Variants in PACC1 observed in about 807,000 individuals in gnomAD.
PACC1 encodes the protein proton-activated chloride channel.
Under a neutral mutation model 39.7 loss-of-function variants are expected in PACC1, and 34 were observed. That is an observed-to-expected ratio of 0.86 (90% confidence interval 0.65 to 1.14). The LOEUF is 1.14. Ranked by LOEUF, PACC1 falls within the 50% of genes most tolerant of loss-of-function variation. The pLI is 0.00. For synonymous variants in PACC1, 127 were observed against 160.6 expected (o/e 0.79, Z 1.58); for missense variants, 379 against 436.4 (o/e 0.87, Z 1.17).
At chr1:212,376,977 T>C (rs1265932727) in intron 6 of PACC1, 2 of 152,268 alleles carry the variant, frequency 1.3e-5, no homozygotes, top group Admixed American at 6.5e-5. Flanking sequence ...AAAGTGTATA[T>C]AACACTAAGA....
In PACC1 at chr1:212,377,577, C is replaced by T. The variant is rs771197497; in HGVS notation, c.768G>A (p.Val256=). 1.2e-6 allele frequency: 2 copies of T among 1,614,164 alleles called. No homozygotes were observed. Among genetic ancestry groups the T allele is most frequent in the South Asian group, 1.1e-5 (1 of 91,078 alleles). ...AGCCACCTACCTCCTGCCGGAACTC[C>T]ACTGCTTCCCGCCCATCCTCCTCCT... is the stretch of plus-strand genomic sequence containing the variant. ...KTKEEDGREA[V]EFRQETSVVN... is the part of the protein sequence containing the mutation. Residue 256 remains valine (V), a synonymous_variant, in exon 6 of 8, where the codon GTG becomes GTA. Coordinates refer to ENST00000261455, the MANE Select transcript of PACC1 (RefSeq NM_018252.3).
At chr1:212,379,540 G>A (rs1214132462) in intron 5 of PACC1, among the ~76,000 whole-genome samples, 1 of 152,186 alleles carries the variant, frequency 6.6e-6, no homozygotes, top group Non-Finnish European at 1.5e-5. Context: ...CACTGTGGGG[G>A]AAACCAAGGA....
intron 4 of PACC1, among the ~76,000 whole-genome samples, chr1:212,383,402 G>A (rs792447): frequency 0.15 from 23,317 of 152,166 alleles, 1,810 homozygotes; most frequent in Middle Eastern, 0.24. Flanking sequence ...AAGCAGCCAC[G>A]AGTTTTCATT....
At chr1:212,400,390 A>G (rs1479230135) in intron 2 of PACC1, among the ~76,000 whole-genome samples, 1 of 152,188 alleles carries the variant, frequency 6.6e-6, no homozygotes, top group Admixed American at 6.5e-5. Flanking sequence ...TATCACTGCA[A>G]TTCATCTGGG....
At chr1:212,369,324 C>CA (rs1244153825) in intron 7 of PACC1, among the ~76,000 whole-genome samples, 1 of 151,988 alleles carries the variant, frequency 6.6e-6, no homozygotes, top group African/African-American at 2.4e-5. Flanking sequence ...AACCAAAAAA[C>CA]AAAAAACGAA....
chr1:212,387,004 A>G lies in PACC1; in HGVS notation c.230T>C (p.Leu77Pro). 1 of 1,614,236 alleles carries G rather than the reference A, an allele frequency of 6.2e-7. No homozygotes were observed. The highest frequency in any genetic ancestry group is 8.5e-7 in the Non-Finnish European group (1 of 1,180,052). ...SVLLIFIYLL[L>P]MAVAVFLVYR... ...GACCAGGAAGACGGCCACAGCCATG[A>G]GCAGCAGGTAGATGAAGATGAGTAG... The change falls in exon 3 of 8, where the codon CTC (leucine) becomes CCC (proline). Residue 77 changes from leucine to proline, a missense_variant. Coordinates refer to ENST00000261455, the MANE Select transcript of PACC1 (RefSeq NM_018252.3).
intron 5 of PACC1, among the ~76,000 whole-genome samples, 174 bp downstream of exon 5, chr1:212,379,721 A>G (rs759841303): frequency 7.2e-5 from 11 of 152,240 alleles, no homozygotes; most frequent in Non-Finnish European, 1.3e-4. Context: ...ACTTTGTGAT[A>G]AGATGTTGAG....
At chr1:212,409,163 G>T (rs1662032232) in intron 2 of PACC1, among the ~76,000 whole-genome samples, 5 of 152,188 alleles carry the variant, frequency 3.3e-5, no homozygotes, top group Admixed American at 3.3e-4. Flanking sequence ...TGGAAAAATT[G>T]TCTTCCACAA....
intron 2 of PACC1, among the ~76,000 whole-genome samples, chr1:212,400,636 T>C (rs1248994324): frequency 1.3e-5 from 2 of 151,882 alleles, no homozygotes; most frequent in African/African-American, 4.8e-5. Context: ...AAAACAGTGC[T>C]GGTTATTTGA....
intron 7 of PACC1, among the ~76,000 whole-genome samples, chr1:212,370,268 C>T (rs927951707): frequency 2.0e-5 from 3 of 152,156 alleles, no homozygotes; most frequent in Non-Finnish European, 2.9e-5. Context: ...TGATTGAGAC[C>T]ATCCTGGCTA....
intron 2 of PACC1, among the ~76,000 whole-genome samples, chr1:212,401,622 CA>C (rs770201392): frequency 0.014 from 649 of 44,922 alleles, 1 homozygote; most frequent in Non-Finnish European, 0.019. Flanking sequence ...ACTCTTGTCT[CA>C]AAAAAAAAAA....
chr1:212,371,780 A>G (rs1319064681), intron 7 of PACC1, among the ~76,000 whole-genome samples: 1 of 152,218 alleles, frequency 6.6e-6, no homozygotes, highest in East Asian at 1.9e-4. Flanking sequence ...AGTCCTCAAC[A>G]AAGTATCAGC....
intron 2 of PACC1, among the ~76,000 whole-genome samples, chr1:212,405,599 G>A (rs1197450693): frequency 5.3e-5 from 8 of 152,158 alleles, no homozygotes. Flanking sequence ...GGCATAACAA[G>A]TGAAGCAGTC....
At chr1:212,409,167 T>C (rs1558184098) in intron 2 of PACC1, among the ~76,000 whole-genome samples, 1 of 152,160 alleles carries the variant, frequency 6.6e-6, no homozygotes. Context: ...AAAATTGTCT[T>C]CCACAAACCG....
At chr1:212,385,469 C>A in intron 3 of PACC1, 44 bp from the exon 4 acceptor site, 1 of 1,607,346 alleles carries the variant, frequency 6.2e-7, no homozygotes, top group Admixed American at 1.7e-5. Context: ...AATCACACTC[C>A]TGACCACATC....
chr1:212,401,675 C>CTTTT (rs1160607066), intron 2 of PACC1, among the ~76,000 whole-genome samples: 2 of 131,808 alleles, frequency 1.5e-5, no homozygotes, highest in African/African-American at 5.5e-5. Context: ...GCATCAGTTC[C>CTTTT]TTTTTTTTTT....
chr1:212,407,612 A>T (rs773594190), intron 2 of PACC1, among the ~76,000 whole-genome samples: 21 of 152,220 alleles, frequency 1.4e-4, no homozygotes, highest in Non-Finnish European at 2.6e-4. Context: ...GGGCTTTAAT[A>T]AAAGAATGCT....
chr1:212,387,915 G>A (rs1293836148), intron 2 of PACC1, among the ~76,000 whole-genome samples: 3 of 151,940 alleles, frequency 2.0e-5, no homozygotes, highest in East Asian at 1.9e-4. Flanking sequence ...TTAGCTGGGC[G>A]TGGTGGCGCA....
intron 5 of PACC1, 141 bp downstream of exon 5, chr1:212,379,754 T>A: frequency 9.9e-7 from 1 of 1,008,950 alleles, no homozygotes; most frequent in South Asian, 1.6e-5. Flanking sequence ...GCTCATGAGG[T>A]CCCTTCCTGG....
Sources: allele counts gnomAD v4.1 joint callset (sites outside exome capture counted in the v4.1 genomes callset), GRCh38; gene constraint gnomAD v4.1.1; transcripts MANE v1.5; gene names NCBI Gene and HGNC (gene_info 2026-07-23, HGNC 2026-07-21).